Variants in PTPN12 observed in about 807,000 individuals in gnomAD.
PTPN12 encodes the protein protein tyrosine phosphatase non-receptor type 12.
PTPN12 carries 29 observed loss-of-function variants against 97.6 expected under a neutral mutation model. That is an observed-to-expected ratio of 0.30 (90% CI 0.22 to 0.41). The LOEUF (loss-of-function observed/expected upper bound fraction) is 0.41, where lower values mean the gene tolerates loss of function less well. Ranked by LOEUF, PTPN12 falls within the 10% of genes least tolerant of loss-of-function variation. PTPN12 has a pLI of 1.00. For missense variants in PTPN12, 819 were observed against 926.0 expected (o/e 0.88, Z 1.50); for synonymous variants, 327 against 300.4 (o/e 1.09, Z -0.91).
intron 1 of PTPN12, among the ~76,000 whole-genome samples, chr7:77,541,336 C>T (rs918339678): frequency 1.2e-4 from 19 of 152,198 alleles, no homozygotes; most frequent in Non-Finnish European, 2.1e-4. Flanking sequence ...AAGCAATCCA[C>T]CTGCCTCAGC....
intron 15 of PTPN12, 29 bp downstream of exon 15, chr7:77,635,878 T>C (rs751611017): frequency 1.3e-5 from 19 of 1,461,378 alleles, no homozygotes; most frequent in Middle Eastern, 1.7e-4. Flanking sequence ...GGAACAGTTA[T>C]AGCTTAACAT....
At chr7:77,630,596 T>TA (rs1789365536) in intron 13 of PTPN12, among the ~76,000 whole-genome samples, 1 of 152,240 alleles carries the variant, frequency 6.6e-6, no homozygotes, top group Non-Finnish European at 1.5e-5. Flanking sequence ...ATCATAATCT[T>TA]ACAGGACCGC....
At chr7:77,602,216 C>T (rs1049278940) in intron 8 of PTPN12, among the ~76,000 whole-genome samples, 4 of 151,832 alleles carry the variant, frequency 2.6e-5, no homozygotes, top group Admixed American at 2.6e-4. Context: ...TATATTTTAG[C>T]TAAGAGAAAT....
chr7:77,545,012 CA>C (rs1807148293), intron 1 of PTPN12, among the ~76,000 whole-genome samples: 1 of 152,196 alleles, frequency 6.6e-6, no homozygotes, highest in African/African-American at 2.4e-5. Flanking sequence ...ACATTGAATT[CA>C]AATATTTTAA....
chr7:77,575,080 C>T (rs144996321), intron 2 of PTPN12, among the ~76,000 whole-genome samples: 196 of 152,196 alleles, frequency 1.3e-3, no homozygotes, highest in African/African-American at 4.4e-3. Flanking sequence ...GTGATCCACC[C>T]GCTTCAGCCT....
rs779472460 is a variant in PTPN12, at chr7:77,611,022, A to G, written c.915A>G (p.Gly305=). 3 of 1,613,054 alleles carry G rather than the reference A, an allele frequency of 1.9e-6. No individual in the cohort carries two copies. Among genetic ancestry groups the G allele is most frequent in the Non-Finnish European group, 2.5e-6 (3 of 1,179,400 alleles). The change falls in exon 11 of 18, where the codon GGA becomes GGG. Residue 305 remains glycine (G), a synonymous_variant. Coordinates refer to ENST00000248594, the MANE Select transcript of PTPN12 (RefSeq NM_002835.4). ...AGCTACAACTATATGAAATTCATGGAGCTCAGAAAATTGCTGATGGAGTGG... is the reference window on the plus strand; with the variant it reads ...AGCTACAACTATATGAAATTCATGGGGCTCAGAAAATTGCTGATGGAGTGG... ...EKQLQLYEIH[G]AQKIADGVNE...
intron 2 of PTPN12, among the ~76,000 whole-genome samples, chr7:77,579,573 A>G (rs1486299379): frequency 1.3e-5 from 2 of 152,232 alleles, no homozygotes; most frequent in African/African-American, 4.8e-5. Context: ...AGATGTTACT[A>G]TTAGAGGAAG....
intron 4 of PTPN12, among the ~76,000 whole-genome samples, chr7:77,584,949 T>G (rs1787642224): frequency 6.6e-6 from 1 of 152,230 alleles, no homozygotes; most frequent in South Asian, 2.1e-4. Flanking sequence ...GAGAGTGTAC[T>G]GATGTTCACA....
chr7:77,582,084 CTTTTTTTTTTTTTTT>C (rs11341609), intron 3 of PTPN12, among the ~76,000 whole-genome samples: 22 of 52,870 alleles, frequency 4.2e-4, no homozygotes, highest in East Asian at 3.6e-3. Context: ...CAGTCAAGTT[CTTTTTTTTTTTTTTT>C]TTTTTTTTTT....
At chr7:77,571,296 C>G (rs1787120100) in intron 2 of PTPN12, 110 bp downstream of exon 2, 2 of 652,762 alleles carry the variant, frequency 3.1e-6, no homozygotes, top group African/African-American at 1.9e-5. Flanking sequence ...AGTAATTAAC[C>G]TATCTTTCAA....
chr7:77,607,235 T>C lies in PTPN12; in HGVS notation c.696T>C (p.Ser232=). Reference sequence around the variant, plus strand: ...TGTTTTTCAAACTTTATATCCTTAGTGCAGGCTGTGGAAGAACAGGTGCCA... The same window carrying C: ...TGTTTTTCAAACTTTATATCCTTAGCGCAGGCTGTGGAAGAACAGGTGCCA... The part of the protein sequence containing the change: ...HEDVPICIHC[S]AGCGRTGAIC... The change falls in exon 9 of 18, where the codon AGT becomes AGC. Residue 232 remains serine, a splice_region_variant and synonymous_variant. Coordinates refer to ENST00000248594, the MANE Select transcript of PTPN12 (RefSeq NM_002835.4). 6.2e-7 allele frequency: 1 copy of C among 1,604,128 alleles called. No homozygotes were observed. The highest frequency in any genetic ancestry group is 1.1e-5 in the South Asian group (1 of 89,136).
chr7:77,593,285 A>T (rs1787923975), intron 6 of PTPN12, among the ~76,000 whole-genome samples: 1 of 142,094 alleles, frequency 7.0e-6, no homozygotes, highest in Non-Finnish European at 1.5e-5. Context: ...AAAAAAAAAA[A>T]TTAATGAATT....
chr7:77,597,012 C>G (rs932679763), intron 6 of PTPN12, among the ~76,000 whole-genome samples: 4 of 131,804 alleles, frequency 3.0e-5, no homozygotes, highest in Non-Finnish European at 6.4e-5. Context: ...CTCTAAAAGT[C>G]CTGTGCTCCA....
At position 77,597,836 on chromosome 7, in the gene PTPN12, A is replaced by G. The variant is rs1788069453; in HGVS notation, c.493-6A>G. The G allele has an allele frequency of 1.9e-6, 3 of 1,607,338 alleles. No homozygotes were observed. In the African/African-American group the frequency reaches 4.0e-5, roughly 22 times the overall value. Reference sequence around the variant, plus strand: ...CACTGACTTAGAAATGTTTCTCTTTATTTAGGAGGATGAACAAGCAAGAAC... The same window carrying G: ...CACTGACTTAGAAATGTTTCTCTTTGTTTAGGAGGATGAACAAGCAAGAAC... On this transcript the variant is annotated splice_region_variant and splice_polypyrimidine_tract_variant and intron_variant, in intron 6 of 17. Transcript: ENST00000248594.
In PTPN12 at chr7:77,577,625, T is replaced by A. The variant is rs139318581; in HGVS notation, c.209-3802T>A. On this transcript the variant is annotated intron_variant, in intron 2 of 17. Transcript: ENST00000248594. ...TTACATGCAATAAATATTTATTGGA[T>A]GAATGATACTAAAATTCACATTTAA... Among the ~76,000 whole-genome samples, 13 of 152,302 alleles carry A rather than the reference T, an allele frequency of 8.5e-5. No homozygotes were observed. The East Asian group carries it at 2.5e-3, about 29-fold the overall frequency.
chr7:77,571,677 C>T (rs1787144048), intron 2 of PTPN12, among the ~76,000 whole-genome samples: 1 of 150,988 alleles, frequency 6.6e-6, no homozygotes, highest in African/African-American at 2.4e-5. Context: ...AGACTGATTG[C>T]ATTACATTCT....
chr7:77,565,369 CA>C (rs1198374478), intron 1 of PTPN12, among the ~76,000 whole-genome samples: 1 of 152,170 alleles, frequency 6.6e-6, no homozygotes, highest in Non-Finnish European at 1.5e-5. Context: ...TTTTTGCTAA[CA>C]AGATTTGCTG....
At chr7:77,604,430 G>A (rs1369570752) in intron 8 of PTPN12, among the ~76,000 whole-genome samples, 12 of 151,592 alleles carry the variant, frequency 7.9e-5, no homozygotes, top group Non-Finnish European at 1.6e-4. Flanking sequence ...TGTCAGGCTG[G>A]TCTTGAACTC....
chr7:77,554,385 A>G (rs895693650), intron 1 of PTPN12, among the ~76,000 whole-genome samples: 3 of 152,256 alleles, frequency 2.0e-5, no homozygotes, highest in African/African-American at 7.2e-5. Flanking sequence ...CTTTATAATG[A>G]CAAAGTAACC....
Sources: gnomAD v4.1 joint callset for allele counts (sites outside exome capture counted in the v4.1 genomes callset) on GRCh38, gnomAD v4.1.1 for gene constraint, MANE v1.5 for transcripts, NCBI Gene and HGNC (gene_info 2026-07-23, HGNC 2026-07-21) for gene names.